The following RLF variants were observed in gnomAD, a reference collection of about 807,000 sequenced individuals.
RLF encodes the protein zinc finger protein Rlf.
RLF carries 7 observed loss-of-function variants against 162.9 expected under a neutral mutation model. The observed-to-expected ratio is 0.04, with a 90% CI of 0.02 to 0.08. The LOEUF is 0.08. RLF is among the 10% of genes least tolerant of loss of function. The probability of loss-of-function intolerance (pLI) is 1.00; values close to 1 mark genes in which losing one functional copy is unlikely to be tolerated. For missense variants in RLF, 1,664 were observed against 2,244.7 expected, an observed-to-expected ratio of 0.74 and a Z score of 5.23; for synonymous variants, 782 against 791.5, an observed-to-expected ratio of 0.99 and a Z score of 0.20.
chr1:40,176,547 C>G (rs777282505), intron 1 of RLF, among the ~76,000 whole-genome samples: 14 of 152,214 alleles, frequency 9.2e-5, no homozygotes, highest in Non-Finnish European at 1.8e-4. Flanking sequence ...TCAGGTGATT[C>G]TCCCACGACA....
intron 1 of RLF, among the ~76,000 whole-genome samples, chr1:40,178,680 G>GT (rs1642365200): frequency 3.9e-5 from 1 of 25,482 alleles, no homozygotes; most frequent in Non-Finnish European, 8.8e-5. Flanking sequence ...GGTCTTTTTT[G>GT]TTTTGTGTTT....
chr1:40,169,754 G>C (rs1457124031), intron 1 of RLF, among the ~76,000 whole-genome samples: 2 of 147,950 alleles, frequency 1.4e-5, no homozygotes, highest in Non-Finnish European at 3.0e-5. Context: ...GTGCAGTGAC[G>C]TGATCTCGGC....
chr1:40,187,437 A>G (rs1210803186), intron 1 of RLF, among the ~76,000 whole-genome samples: 1 of 152,202 alleles, frequency 6.6e-6, no homozygotes, highest in Non-Finnish European at 1.5e-5. Flanking sequence ...TCAGTTTTAT[A>G]ATGTTACTCA....
Position 40,171,255 on chromosome 1 carries a change from G to C in RLF, c.237+9619G>C, listed in dbSNP as rs1239337339. 2.0e-5 allele frequency among the ~76,000 whole-genome samples: 3 copies of C among 151,836 alleles called. No individual in the cohort carries two copies. The East Asian group carries it at 5.8e-4, about 29-fold the overall frequency. ...TATTGCCCAGGCTGGTCTTCAACTT[G>C]AGGCCTTAAGTGATCCTCCCACCTC... On this transcript the variant is annotated intron_variant, in intron 1 of 7. Transcript: ENST00000372771.
intron 5 of RLF, among the ~76,000 whole-genome samples, chr1:40,211,880 G>A (rs1320239999): frequency 9.2e-5 from 14 of 152,058 alleles, no homozygotes; most frequent in Non-Finnish European, 4.4e-5. Flanking sequence ...CGCCCGCCTC[G>A]GCCTCCCAAA....
rs1351195487 is a variant in RLF at position 40,237,878 on chromosome 1, C to A, written c.3176C>A (p.Thr1059Asn). ...TCTAAAAGGCCCTGTACAGAGGATA[C>A]CATGTTGGAACTTCTGTTACGCTTG... Reference protein sequence around the residue: ...CASKRPCTEDTMLELLLRLKH... With the variant: ...CASKRPCTEDNMLELLLRLKH... Residue 1059 changes from threonine to asparagine, a missense_variant, in exon 8 of 8, where the codon ACC becomes AAC. Physicochemically the swap from Thr to Asn is moderately conservative, Grantham distance 65. Transcript: ENST00000372771. The surrounding 1 kb of genome is among the most constrained non-coding windows in gnomAD (Gnocchi z 4.4). 1 of 1,614,132 alleles carries A rather than the reference C, an allele frequency of 6.2e-7. No individual in the cohort carries two copies. Among genetic ancestry groups the A allele is most frequent in the Non-Finnish European group, 8.5e-7 (1 of 1,180,018 alleles).
intron 5 of RLF, among the ~76,000 whole-genome samples, chr1:40,216,749 C>T (rs1642929218): frequency 1.3e-5 from 2 of 151,962 alleles, no homozygotes; most frequent in South Asian, 4.2e-4. Flanking sequence ...ACAAAGGCAT[C>T]CTAAGAAAGA....
intron 5 of RLF, among the ~76,000 whole-genome samples, chr1:40,221,917 A>AAAAAAAAAAAAAAAAAAAGAG (rs1486982312): frequency 3.3e-5 from 5 of 150,376 alleles, no homozygotes; most frequent in African/African-American, 1.2e-4. Context: ...AAAAAAAAAA[A>AAAAAAAAAAAAAAAAAAAGAG]AGAGAAAGGA....
In RLF at chr1:40,175,311, A is replaced by G. The variant is rs370399094; in HGVS notation, c.237+13675A>G. ...ATCTTGTGTTTTATTGTCACGTGAA[A>G]TGGAGAACATATATGTATATTTGAA... On this transcript the variant is annotated intron_variant, in intron 1 of 7. Coordinates refer to ENST00000372771, the MANE Select transcript of RLF (RefSeq NM_012421.4). Among the ~76,000 whole-genome samples the G allele has an allele frequency of 9.2e-5, 14 of 152,216 alleles. 1 individual carries two copies. The highest frequency in any genetic ancestry group is 3.9e-4 in the East Asian group (2 of 5,182).
chr1:40,183,451 A>G (rs1415416008), intron 1 of RLF, among the ~76,000 whole-genome samples: 2 of 152,164 alleles, frequency 1.3e-5, no homozygotes, highest in Admixed American at 1.3e-4. Context: ...ATTGCTTGAA[A>G]ACATTCCCCA....
At chr1:40,225,042 GAGAT>G (rs1643050299) in intron 6 of RLF, among the ~76,000 whole-genome samples, 1 of 152,084 alleles carries the variant, frequency 6.6e-6, no homozygotes, top group South Asian at 2.1e-4. Flanking sequence ...CTGTTCATAT[GAGAT>G]AGATCTTTTG....
At chr1:40,192,443 T>G (rs771792224) in intron 3 of RLF, among the ~76,000 whole-genome samples, 13 of 152,308 alleles carry the variant, frequency 8.5e-5, no homozygotes, top group South Asian at 6.2e-4. Flanking sequence ...TTCTTTTGAG[T>G]ATCGTGTTGA....
intron 6 of RLF, 130 bp from the exon 7 acceptor site, chr1:40,231,387 G>C: frequency 1.4e-6 from 1 of 699,286 alleles, no homozygotes; most frequent in Non-Finnish European, 2.4e-6. Context: ...GGTGAATATA[G>C]ACAGCTTTTA....
intron 6 of RLF, among the ~76,000 whole-genome samples, chr1:40,229,843 G>C (rs187118162): frequency 6.6e-6 from 1 of 151,986 alleles, no homozygotes; most frequent in Non-Finnish European, 1.5e-5. Flanking sequence ...TGCCGGGCAC[G>C]GTGGCTCATG....
intron 3 of RLF, among the ~76,000 whole-genome samples, chr1:40,194,124 G>A (rs914227631): frequency 6.0e-5 from 9 of 149,096 alleles, no homozygotes; most frequent in African/African-American, 2.2e-4. Flanking sequence ...GAACTTTAAT[G>A]AACAAACTAT....
intron 5 of RLF, among the ~76,000 whole-genome samples, chr1:40,210,635 A>C (rs957326552): frequency 2.0e-5 from 3 of 152,176 alleles, no homozygotes; most frequent in Non-Finnish European, 2.9e-5. Context: ...TTTTAGGAAG[A>C]CTAGACAGAA....
At chr1:40,218,050 G>A (rs1373159109) in intron 5 of RLF, among the ~76,000 whole-genome samples, 1 of 152,090 alleles carries the variant, frequency 6.6e-6, no homozygotes, top group Non-Finnish European at 1.5e-5. Flanking sequence ...TTTTTGTAAT[G>A]AGCAGAAATC....
In RLF at chr1:40,235,812, G is replaced by T. The variant is rs1643210504; in HGVS notation, c.1110G>T (p.Gly370=). Residue 370 remains glycine, a synonymous_variant, in exon 8 of 8, where the codon GGG becomes GGT. Transcript: ENST00000372771. ...TACAGGCACAAGATGCTGGTCTTGG[G>T]GTGTCAATTTTACTGTGTGTCAGAG... ...IQTEAQDAGL[G]VSILLCVRAL... The T allele has an allele frequency of 5.0e-6, 8 of 1,590,884 alleles. No homozygotes were observed. Among genetic ancestry groups the T allele is most frequent in the Non-Finnish European group, 6.8e-6 (8 of 1,170,376 alleles).
chr1:40,198,432 G>A (rs1261262552), intron 4 of RLF, among the ~76,000 whole-genome samples: 1 of 148,440 alleles, frequency 6.7e-6, no homozygotes, highest in South Asian at 2.2e-4. Context: ...AGCCTCCCAA[G>A]TAGCTGGGAT....
Sources: gnomAD v4.1 joint callset for allele counts (sites outside exome capture counted in the v4.1 genomes callset) on GRCh38, gnomAD v4.1.1 for gene constraint, Gnocchi (gnomAD v3.1) non-coding constraint, MANE v1.5 for transcripts, NCBI Gene and HGNC (gene_info 2026-07-23, HGNC 2026-07-21) for gene names.